The following CCSER1 variants were observed in gnomAD, a reference collection of about 807,000 sequenced individuals.
CCSER1 encodes the protein coiled-coil serine rich protein 1, also known as serine-rich coiled-coil domain-containing protein 1.
A neutral mutation model predicts 82.0 loss-of-function variants in CCSER1; 41 were observed. The ratio of observed to expected loss-of-function variants is 0.50; its 90% CI spans 0.39 to 0.65. The LOEUF is 0.65. Ranked by LOEUF, CCSER1 falls within the 30% of genes least tolerant of loss-of-function variation. The pLI is 0.00. For synonymous variants in CCSER1, 414 were observed against 383.9 expected (o/e 1.08, Z -0.92); for missense variants, 1,119 against 1,064.2 (o/e 1.05, Z -0.72).
chr4:91,170,260 A>G (rs1373534113), intron 10 of CCSER1, among the ~76,000 whole-genome samples: 1 of 152,204 alleles, frequency 6.6e-6, no homozygotes, highest in Non-Finnish European at 1.5e-5. Context: ...CATCAAGACA[A>G]ACCCAATCCT....
intron 10 of CCSER1, among the ~76,000 whole-genome samples, chr4:91,502,902 C>T (rs1367704680): frequency 6.6e-6 from 1 of 152,040 alleles, no homozygotes; most frequent in Non-Finnish European, 1.5e-5. Context: ...CCGTCATTGG[C>T]CATGCTTTTA....
chr4:90,245,451 A>T (rs896769351), intron 1 of CCSER1, among the ~76,000 whole-genome samples: 1 of 152,120 alleles, frequency 6.6e-6, no homozygotes, highest in Non-Finnish European at 1.5e-5. Flanking sequence ...CCTTCTTATA[A>T]GTCACAGAGG....
At chr4:90,872,986 G>T (rs1766744582) in intron 8 of CCSER1, among the ~76,000 whole-genome samples, 1 of 151,824 alleles carries the variant, frequency 6.6e-6, no homozygotes, top group African/African-American at 2.4e-5. Flanking sequence ...TTCCCTTGCT[G>T]CTTTTAGGAC....
Position 90,554,016 on chromosome 4 carries a change from G to A in CCSER1, c.1725-74009G>A, listed in dbSNP as rs114902053. Among the ~76,000 whole-genome samples, 1,071 of 152,242 alleles carry A rather than the reference G, an allele frequency of 7.0e-3. 14 individuals carry two copies. Among genetic ancestry groups the A allele is most frequent in the African/African-American group, 0.021 (861 of 41,544 alleles). On this transcript the variant is annotated intron_variant, in intron 5 of 10. Transcript: ENST00000509176. ...GTATTTCTTTTCTACATATCACAAT[G>A]TTCAACACAGAATTAGGGGTAAAAG...
chr4:90,663,507 A>C (rs1386779615), intron 6 of CCSER1, among the ~76,000 whole-genome samples: 1 of 152,156 alleles, frequency 6.6e-6, no homozygotes, highest in African/African-American at 2.4e-5. Context: ...TATGTTCTTG[A>C]GACAAGGTCT....
At chr4:91,467,750 C>A (rs1757007390) in intron 10 of CCSER1, among the ~76,000 whole-genome samples, 1 of 152,108 alleles carries the variant, frequency 6.6e-6, no homozygotes, top group South Asian at 2.1e-4. Context: ...CACATGAAAA[C>A]ATGCTCATCA....
chr4:91,259,049 G>A (rs1413654007), intron 10 of CCSER1, among the ~76,000 whole-genome samples: 3 of 151,984 alleles, frequency 2.0e-5, no homozygotes, highest in Non-Finnish European at 2.9e-5. Flanking sequence ...ATTGTACACT[G>A]TAGGAAAGAG....
chr4:90,626,063 A>G (rs1723209364), intron 5 of CCSER1, among the ~76,000 whole-genome samples: 1 of 152,168 alleles, frequency 6.6e-6, no homozygotes, highest in African/African-American at 2.4e-5. Flanking sequence ...TAGAAATATA[A>G]TTTAAATTTT....
chr4:91,332,220 G>A (rs972492811), intron 10 of CCSER1, among the ~76,000 whole-genome samples: 3 of 151,764 alleles, frequency 2.0e-5, no homozygotes, highest in Admixed American at 2.0e-4. Flanking sequence ...TAGCATAATT[G>A]AAAAATTCTT....
At chr4:91,302,309 T>C (rs1344028206) in intron 10 of CCSER1, among the ~76,000 whole-genome samples, 1 of 152,026 alleles carries the variant, frequency 6.6e-6, no homozygotes, top group African/African-American at 2.4e-5. Context: ...GAAAACTCTC[T>C]GGTTCCTCTT....
At chr4:90,422,510 G>A (rs1004705151) in intron 4 of CCSER1, among the ~76,000 whole-genome samples, 20 of 152,132 alleles carry the variant, frequency 1.3e-4, no homozygotes, top group African/African-American at 3.9e-4. Flanking sequence ...TGGGAGGATC[G>A]CTTACACCCA....
intron 8 of CCSER1, among the ~76,000 whole-genome samples, chr4:90,911,554 G>A (rs924365065): frequency 6.6e-6 from 1 of 152,164 alleles, no homozygotes; most frequent in Non-Finnish European, 1.5e-5. Flanking sequence ...CAGTGTGAGC[G>A]ATGCAGAAGA....
intron 9 of CCSER1, among the ~76,000 whole-genome samples, chr4:90,972,346 T>C (rs1172205031): frequency 2.0e-5 from 3 of 151,714 alleles, no homozygotes; most frequent in Non-Finnish European, 4.4e-5. Context: ...TACTTTGTTG[T>C]ACACCTTAAG....
chr4:90,595,978 G>C (rs1783284580), intron 5 of CCSER1, among the ~76,000 whole-genome samples: 1 of 151,870 alleles, frequency 6.6e-6, no homozygotes, highest in Non-Finnish European at 1.5e-5. Flanking sequence ...AACCTGGAGA[G>C]TTTGATAAAG....
rs923856647 is a variant in CCSER1, at chr4:90,532,794, A to G, written c.1724+64440A>G. 5.9e-5 allele frequency among the ~76,000 whole-genome samples: 9 copies of G among 152,282 alleles called. No homozygotes were observed. In the South Asian group the frequency reaches 6.2e-4, roughly 11 times the overall value. Reference sequence around the variant, plus strand: ...TATTTTTGTAGCTTTATATCTCTAGACCGTCCCACTATGTACAAATAGATC... The same window carrying G: ...TATTTTTGTAGCTTTATATCTCTAGGCCGTCCCACTATGTACAAATAGATC... On this transcript the variant is annotated intron_variant, in intron 5 of 10. Coordinates refer to ENST00000509176, the MANE Select transcript of CCSER1 (RefSeq NM_001145065.2).
intron 8 of CCSER1, among the ~76,000 whole-genome samples, chr4:90,849,016 C>G (rs1302047118): frequency 6.6e-6 from 1 of 152,194 alleles, no homozygotes; most frequent in South Asian, 2.1e-4. Flanking sequence ...ATTACCCAGT[C>G]TCAGGTATTT....
At chr4:90,552,785 G>A (rs890144678) in intron 5 of CCSER1, among the ~76,000 whole-genome samples, 28 of 151,964 alleles carry the variant, frequency 1.8e-4, no homozygotes, top group African/African-American at 6.0e-4. Context: ...AGCTTTTTGC[G>A]TACTAGTCTT....
intron 6 of CCSER1, among the ~76,000 whole-genome samples, chr4:90,705,363 T>A (rs1248306703): frequency 1.3e-5 from 2 of 152,234 alleles, no homozygotes; most frequent in Admixed American, 6.5e-5. Flanking sequence ...CCCGGCCATG[T>A]GAGTTGTCAG....
chr4:91,026,076 C>T (rs1412973199), intron 9 of CCSER1, among the ~76,000 whole-genome samples: 1 of 152,128 alleles, frequency 6.6e-6, no homozygotes, highest in East Asian at 1.9e-4. Flanking sequence ...GAAGGCTAAA[C>T]ACATTCTGCA....
Sources: allele counts gnomAD v4.1 joint callset (sites outside exome capture counted in the v4.1 genomes callset), GRCh38; gene constraint gnomAD v4.1.1; transcripts MANE v1.5; gene names NCBI Gene and HGNC (gene_info 2026-07-23, HGNC 2026-07-21).